Variants in TMEM132C observed in about 807,000 individuals in gnomAD.
TMEM132C encodes protein phosphatase 1, regulatory subunit 152.
In TMEM132C, 29 loss-of-function variants were observed where a neutral mutation model predicts 61.4. That is an observed-to-expected ratio of 0.47 (90% CI 0.35 to 0.64). TMEM132C has a LOEUF of 0.64. Ranked by LOEUF, TMEM132C falls within the 30% of genes least tolerant of loss-of-function variation. TMEM132C has a pLI of 0.00. For missense variants in TMEM132C, 1,408 were observed against 1,476.9 expected, an observed-to-expected ratio of 0.95 and a Z score of 0.76; for synonymous variants, 656 against 633.1, an observed-to-expected ratio of 1.04 and a Z score of -0.54.
chr12:128,645,934 C>T (rs1344242121), intron 4 of TMEM132C, among the ~76,000 whole-genome samples: 4 of 138,996 alleles, frequency 2.9e-5, no homozygotes, highest in Admixed American at 7.1e-5. Context: ...TCCATCAGTG[C>T]TGGATGTGAG....
At chr12:128,352,966 G>A (rs1683742) in intron 1 of TMEM132C, among the ~76,000 whole-genome samples, 146,406 of 152,262 alleles carry the variant, frequency 0.96, 70,400 homozygotes, top group East Asian at 1. Flanking sequence ...GAGGTGGGAG[G>A]GAAGCAGGGT....
chr12:128,694,215 C>A (rs887506993), intron 6 of TMEM132C, among the ~76,000 whole-genome samples, 181 bp downstream of exon 6: 1 of 152,108 alleles, frequency 6.6e-6, no homozygotes, highest in Admixed American at 6.5e-5. Context: ...GCCTCAAACC[C>A]AGGTTGTCCG....
rs571700763 is a variant in TMEM132C, at chr12:128,498,709, G to T, written c.975-45248G>T. ...AAGAATCTGCAAAGAAACAAGCATT[G>T]CATTTCTATACAGAGTAATGCTCAT... On this transcript the variant is annotated intron_variant, in intron 2 of 8. Transcript: ENST00000435159. Among the ~76,000 whole-genome samples the T allele has an allele frequency of 1.4e-3, 220 of 152,024 alleles. 1 individual carries two copies. Among genetic ancestry groups the T allele is most frequent in the African/African-American group, 5.0e-3 (208 of 41,484 alleles).
At chr12:128,438,599 A>G (rs1869676786) in intron 2 of TMEM132C, among the ~76,000 whole-genome samples, 1 of 152,238 alleles carries the variant, frequency 6.6e-6, no homozygotes. Flanking sequence ...ACCCACTTTT[A>G]AAATTCAGGT....
At chr12:128,282,038 G>GT (rs1036846015) in intron 1 of TMEM132C, among the ~76,000 whole-genome samples, 14 of 152,294 alleles carry the variant, frequency 9.2e-5, no homozygotes, top group African/African-American at 3.1e-4. Flanking sequence ...AATGGCTGGA[G>GT]TTTTTTGTTG....
intron 3 of TMEM132C, among the ~76,000 whole-genome samples, chr12:128,548,879 A>T (rs978573659): frequency 2.0e-5 from 3 of 152,238 alleles, no homozygotes; most frequent in African/African-American, 7.2e-5. Context: ...ATGATAAATA[A>T]TCTAGAGATG....
intron 2 of TMEM132C, among the ~76,000 whole-genome samples, chr12:128,423,278 G>C (rs1186410997): frequency 6.6e-6 from 1 of 152,122 alleles, no homozygotes; most frequent in Non-Finnish European, 1.5e-5. Flanking sequence ...TAGCTGTGGG[G>C]TATGGGGACC....
At chr12:128,588,023 CAT>C (rs769956213) in intron 3 of TMEM132C, among the ~76,000 whole-genome samples, 43 of 152,230 alleles carry the variant, frequency 2.8e-4, no homozygotes, top group Non-Finnish European at 2.9e-5. Flanking sequence ...CTGTGCAAAG[CAT>C]ATTGAATTCT....
At chr12:128,604,842 TAGAC>T (rs72366166) in intron 3 of TMEM132C, among the ~76,000 whole-genome samples, 50,659 of 150,870 alleles carry the variant, frequency 0.34, 9,152 homozygotes, top group Middle Eastern at 0.45. Flanking sequence ...GATGGATAGA[TAGAC>T]AGACAGATGG....
intron 4 of TMEM132C, among the ~76,000 whole-genome samples, chr12:128,637,440 G>C (rs1399817560): frequency 6.6e-6 from 1 of 152,230 alleles, no homozygotes. Context: ...CAGTCTATCT[G>C]ATCTCCTTCC....
intron 1 of TMEM132C, among the ~76,000 whole-genome samples, chr12:128,357,021 T>G (rs2135967865): frequency 6.6e-6 from 1 of 152,290 alleles, no homozygotes; most frequent in Admixed American, 6.5e-5. Context: ...AGACACACAC[T>G]TACATCTTAA....
In TMEM132C at chr12:128,415,195, C is replaced by T. The variant is rs765592175; in HGVS notation, c.549C>T (p.Gly183=). 1 of 1,610,834 alleles carries T rather than the reference C, an allele frequency of 6.2e-7. No individual in the cohort carries two copies. Among genetic ancestry groups the T allele is most frequent in the South Asian group, 1.1e-5 (1 of 90,502 alleles). The change falls in exon 2 of 9, where the codon GGC becomes GGT. Residue 183 remains glycine (G), a synonymous_variant. Coordinates refer to ENST00000435159, the MANE Select transcript of TMEM132C (RefSeq NM_001136103.3). The surrounding 1 kb of genome is among the most constrained non-coding windows in gnomAD (Gnocchi z 5.8). ...TCCGAGAAACCAGAGAGGTGCGGGG[C>T]AGCTGCCGGCTGAAGGGGGACCTGG... ...FAFRETREVR[G]SCRLKGDLGL...
rs939586279 is a variant in TMEM132C at position 128,570,019 on chromosome 12, G to A, written c.1121+25916G>A. On this transcript the variant is annotated intron_variant, in intron 3 of 8. Transcript: ENST00000435159. The surrounding 1 kb of genome is among the most constrained non-coding windows in gnomAD (Gnocchi z 4.7). The stretch of plus-strand genomic sequence containing the variant: ...TCGATGCTCTTTTATTATCATTGCC[G>A]TTAACGTGAGAAGTGAAAGGAGAGA... Among the ~76,000 whole-genome samples, 4 of 151,998 alleles carry A rather than the reference G, an allele frequency of 2.6e-5. No homozygotes were observed. Among genetic ancestry groups the A allele is most frequent in the African/African-American group, 7.3e-5 (3 of 41,366 alleles).
intron 4 of TMEM132C, among the ~76,000 whole-genome samples, chr12:128,642,790 G>T (rs1416286742): frequency 1.3e-5 from 2 of 152,212 alleles, no homozygotes; most frequent in African/African-American, 2.4e-5. Flanking sequence ...TAAACTAAAA[G>T]AGAAGCGGAG....
intron 8 of TMEM132C, among the ~76,000 whole-genome samples, chr12:128,703,698 C>T (rs1350500070): frequency 6.6e-6 from 1 of 152,218 alleles, no homozygotes; most frequent in East Asian, 1.9e-4. Flanking sequence ...GACTCCATGT[C>T]TTTGCTATTG....
intron 4 of TMEM132C, among the ~76,000 whole-genome samples, chr12:128,661,160 A>G (rs779671414): frequency 1.1e-4 from 17 of 152,228 alleles, no homozygotes; most frequent in Admixed American, 2.6e-4. Flanking sequence ...TCTTTGGGGC[A>G]CAAACTGAAG....
At chr12:128,575,312 C>G (rs1421286120) in intron 3 of TMEM132C, among the ~76,000 whole-genome samples, 1 of 152,162 alleles carries the variant, frequency 6.6e-6, no homozygotes, top group African/African-American at 2.4e-5. Context: ...AACCCCATCT[C>G]TACTGAAAAT....
chr12:128,696,494 T>G (rs1396057969), intron 7 of TMEM132C, among the ~76,000 whole-genome samples: 2 of 152,240 alleles, frequency 1.3e-5, no homozygotes, highest in Non-Finnish European at 2.9e-5. Context: ...GCATGGATTC[T>G]TCTCATTTCT....
intron 2 of TMEM132C, among the ~76,000 whole-genome samples, chr12:128,437,317 C>G (rs1869634630): frequency 6.6e-6 from 1 of 151,976 alleles, no homozygotes; most frequent in Non-Finnish European, 1.5e-5. Flanking sequence ...ATAAACAAAC[C>G]ACTGACTTAT....
Sources: gnomAD v4.1 joint callset for allele counts (sites outside exome capture counted in the v4.1 genomes callset) on GRCh38, gnomAD v4.1.1 for gene constraint, Gnocchi (gnomAD v3.1) non-coding constraint, MANE v1.5 for transcripts, NCBI Gene and HGNC (gene_info 2026-07-23, HGNC 2026-07-21) for gene names.